The following TBXAS1 variants were observed in gnomAD, a reference collection of about 807,000 sequenced individuals.
The protein encoded by TBXAS1 is thromboxane A synthase 1, also known as thromboxane-A synthase.
In TBXAS1, 48 loss-of-function variants were observed where a neutral mutation model predicts 60.7. The observed-to-expected ratio is 0.79, with a 90% CI of 0.63 to 1.01. TBXAS1 has a LOEUF of 1.01. TBXAS1 is among the 50% of genes least tolerant of loss of function. The probability of loss-of-function intolerance (pLI) is 0.00; values close to 1 mark genes in which losing one functional copy is unlikely to be tolerated. For synonymous variants in TBXAS1, 287 were observed against 269.7 expected, an observed-to-expected ratio of 1.06 and a Z score of -0.63; for missense variants, 685 against 686.3, an observed-to-expected ratio of 1.00 and a Z score of 0.02.
chr7:139,845,414 T>C (rs1275363356), intron 1 of TBXAS1, among the ~76,000 whole-genome samples: 2 of 152,094 alleles, frequency 1.3e-5, no homozygotes, highest in Non-Finnish European at 1.5e-5. Flanking sequence ...TGCCAATTTC[T>C]TTCCTTCTAC....
At chr7:140,015,939 G>A (rs930548318) in intron 11 of TBXAS1, 79 bp downstream of exon 11, 25 of 1,599,586 alleles carry the variant, frequency 1.6e-5, no homozygotes, top group South Asian at 3.3e-5. Flanking sequence ...GGCAGCAGCC[G>A]GGAGGCACAG....
intron 5 of TBXAS1, among the ~76,000 whole-genome samples, chr7:139,948,329 T>C (rs551855269): frequency 1.2e-4 from 18 of 152,178 alleles, no homozygotes; most frequent in Admixed American, 3.3e-4. Context: ...TAAGCATGAG[T>C]GCTCTGGTGT....
chr7:139,926,594 G>A (rs989584876), intron 4 of TBXAS1, among the ~76,000 whole-genome samples: 4 of 142,138 alleles, frequency 2.8e-5, no homozygotes, highest in Admixed American at 1.4e-4. Flanking sequence ...TTATTTTGTC[G>A]ATCTTTTGTA....
At chr7:139,967,838 C>A (rs1246824866) in intron 9 of TBXAS1, among the ~76,000 whole-genome samples, 1 of 152,176 alleles carries the variant, frequency 6.6e-6, no homozygotes, top group Non-Finnish European at 1.5e-5. Context: ...TAGAAGTTCC[C>A]ACCTCTCAAT....
At position 139,990,508 on chromosome 7, in the gene TBXAS1, G is replaced by GA. The variant is rs1054986690; in HGVS notation, c.1135-16583_1135-16582insA. Among the ~76,000 whole-genome samples, 74 of 152,096 alleles carry GA rather than the reference G, an allele frequency of 4.9e-4. 1 individual carries two copies. Among genetic ancestry groups the GA allele is most frequent in the Admixed American group, 2.9e-3 (44 of 15,286 alleles). On this transcript the variant is annotated intron_variant, in intron 9 of 12. Coordinates refer to ENST00000448866, the MANE Select transcript of TBXAS1 (RefSeq NM_001061.7). The stretch of plus-strand genomic sequence containing the variant: ...CTCGAGCACCTGTTTCCTGTCTGGG[G>GA]GCACGGGAACCCTCCTGTCCTCCAG...
At chr7:139,863,352 A>C (rs768255482) in intron 1 of TBXAS1, among the ~76,000 whole-genome samples, 5 of 152,182 alleles carry the variant, frequency 3.3e-5, no homozygotes, top group East Asian at 1.9e-4. Context: ...TTATGTATTT[A>C]TTGAGTAGTC....
At chr7:139,931,160 A>G (rs1456754450) in intron 4 of TBXAS1, among the ~76,000 whole-genome samples, 1 of 152,118 alleles carries the variant, frequency 6.6e-6, no homozygotes, top group Non-Finnish European at 1.5e-5. Context: ...ACTTTCCCTG[A>G]CGTTAAATGC....
At chr7:139,947,419 G>C (rs1808814557) in intron 5 of TBXAS1, among the ~76,000 whole-genome samples, 1 of 152,112 alleles carries the variant, frequency 6.6e-6, no homozygotes, top group Non-Finnish European at 1.5e-5. Flanking sequence ...TGTTGGGGGA[G>C]GGGGGAGGAA....
At chr7:139,848,255 G>A (rs908696798) in intron 1 of TBXAS1, among the ~76,000 whole-genome samples, 30 of 152,026 alleles carry the variant, frequency 2.0e-4, no homozygotes, top group Admixed American at 1.6e-3. Context: ...AAAGTACTGG[G>A]ATTACAGGCA....
At chr7:139,945,978 T>C (rs1466116958) in intron 5 of TBXAS1, among the ~76,000 whole-genome samples, 2 of 152,192 alleles carry the variant, frequency 1.3e-5, no homozygotes, top group Non-Finnish European at 2.9e-5. Flanking sequence ...TTGTACTGTG[T>C]CCTTCAGTCA....
intron 3 of TBXAS1, among the ~76,000 whole-genome samples, chr7:139,878,036 G>A (rs183968091): frequency 6.6e-6 from 1 of 151,420 alleles, no homozygotes; most frequent in East Asian, 1.9e-4. Context: ...AGAGCCTTTG[G>A]GTATTTAAAA....
chr7:139,914,299 A>T (rs895845644), intron 4 of TBXAS1, among the ~76,000 whole-genome samples: 2 of 151,940 alleles, frequency 1.3e-5, no homozygotes, highest in Non-Finnish European at 2.9e-5. Flanking sequence ...GGCCTCCCAA[A>T]TTGTTGGGAT....
At chr7:139,780,561 C>G (rs1016252736) in intron 1 of TBXAS1, among the ~76,000 whole-genome samples, 2 of 152,216 alleles carry the variant, frequency 1.3e-5, no homozygotes, top group Non-Finnish European at 2.9e-5. Flanking sequence ...CAGCACAACA[C>G]TACAAACTCG....
intron 10 of TBXAS1, among the ~76,000 whole-genome samples, chr7:140,014,752 A>G (rs530256717): frequency 3.3e-5 from 5 of 152,136 alleles, no homozygotes; most frequent in African/African-American, 1.2e-4. Flanking sequence ...CGTCTCTACT[A>G]AAAACACAAA....
intron 2 of TBXAS1, 51 bp from the exon 3 acceptor site, chr7:139,875,534 A>C (rs1260027715): frequency 6.6e-7 from 1 of 1,505,356 alleles, no homozygotes; most frequent in African/African-American, 1.4e-5. Flanking sequence ...AGTTTGAATA[A>C]TTGGAATTTT....
At chr7:139,920,816 C>G (rs1222092941) in intron 4 of TBXAS1, among the ~76,000 whole-genome samples, 1 of 152,176 alleles carries the variant, frequency 6.6e-6, no homozygotes, top group Admixed American at 6.5e-5. Context: ...TTCCTGAGAC[C>G]AGGCACTGCT....
At chr7:139,952,014 A>AAAGAGAAAGAAAG (rs1569518460) in intron 5 of TBXAS1, among the ~76,000 whole-genome samples, 1 of 40,080 alleles carries the variant, frequency 2.5e-5, no homozygotes, top group African/African-American at 9.0e-5. Flanking sequence ...AAGAAAGAAA[A>AAAGAGAAAGAAAG]AGAAAGGAAG....
chr7:139,801,326 C>T (rs1295298445), intron 4 of TBXAS1, among the ~76,000 whole-genome samples: 1 of 152,178 alleles, frequency 6.6e-6, no homozygotes, highest in Admixed American at 6.5e-5. Flanking sequence ...AAATGCAGGT[C>T]TTGCTTCAAC....
chr7:139,929,896 C>T (rs558116585), intron 4 of TBXAS1, among the ~76,000 whole-genome samples: 2 of 152,326 alleles, frequency 1.3e-5, no homozygotes, highest in African/African-American at 4.8e-5. Flanking sequence ...ACAGTTGATT[C>T]TCAACACCAA....
Sources: allele counts gnomAD v4.1 joint callset (sites outside exome capture counted in the v4.1 genomes callset), GRCh38; gene constraint gnomAD v4.1.1; transcripts MANE v1.5; gene names NCBI Gene and HGNC (gene_info 2026-07-23, HGNC 2026-07-21).